Variants in ZBTB20 observed in about 807,000 individuals in gnomAD.
ZBTB20 encodes zinc finger and BTB domain containing 20, also known as zinc finger and BTB domain-containing protein 20.
ZBTB20 carries 9 observed loss-of-function variants against 56.9 expected under a neutral mutation model. The observed-to-expected ratio is 0.16, with a 90% CI of 0.10 to 0.28. ZBTB20 has a LOEUF of 0.28. Ranked by LOEUF, ZBTB20 falls within the 10% of genes least tolerant of loss-of-function variation. The pLI, the probability that ZBTB20 is intolerant of heterozygous loss-of-function variation, is 1.00. For missense variants in ZBTB20, 655 were observed against 1,003.0 expected (o/e 0.65, Z 4.69); for synonymous variants, 417 against 420.7 (o/e 0.99, Z 0.11).
intron 7 of ZBTB20, among the ~76,000 whole-genome samples, chr3:114,438,515 A>T (rs1421646808): frequency 2.6e-5 from 4 of 152,272 alleles, no homozygotes; most frequent in Non-Finnish European, 4.4e-5. Flanking sequence ...GATCATAATC[A>T]TCTCAAGGTG....
chr3:115,103,712 G>A (rs922928877), intron 1 of ZBTB20, among the ~76,000 whole-genome samples: 2 of 152,162 alleles, frequency 1.3e-5, no homozygotes, highest in African/African-American at 4.8e-5. Flanking sequence ...AAAATGGATG[G>A]ATCATAAACC....
intron 6 of ZBTB20, among the ~76,000 whole-genome samples, chr3:114,592,510 T>C (rs1161983209): frequency 6.6e-6 from 1 of 152,198 alleles, no homozygotes; most frequent in African/African-American, 2.4e-5. Flanking sequence ...GAGTTTCCTT[T>C]TGGCAGAAAA....
At chr3:114,426,975 A>AAT (rs940606430) in intron 7 of ZBTB20, among the ~76,000 whole-genome samples, 14 of 152,224 alleles carry the variant, frequency 9.2e-5, no homozygotes, top group Admixed American at 5.2e-4. Context: ...TTGTTACTTT[A>AAT]ATATATATAA....
At chr3:114,710,360 C>T (rs996288934) in intron 5 of ZBTB20, 3 of 152,144 alleles carry the variant, frequency 2.0e-5, no homozygotes, top group African/African-American at 7.2e-5. Flanking sequence ...GTTTGAATCT[C>T]CAGTCCTAAT....
intron 1 of ZBTB20, among the ~76,000 whole-genome samples, chr3:115,125,624 G>T (rs1254108512): frequency 3.9e-5 from 6 of 152,130 alleles, no homozygotes; most frequent in Non-Finnish European, 7.4e-5. Flanking sequence ...CAGTTATACA[G>T]AATGAATAAG....
At chr3:114,477,372 A>G (rs1000489406) in intron 7 of ZBTB20, among the ~76,000 whole-genome samples, 3 of 152,188 alleles carry the variant, frequency 2.0e-5, no homozygotes, top group Admixed American at 6.5e-5. Flanking sequence ...AGATAAAGAA[A>G]CTGATGCTTA....
At chr3:115,089,754 G>A (rs2083119321) in intron 1 of ZBTB20, among the ~76,000 whole-genome samples, 1 of 151,758 alleles carries the variant, frequency 6.6e-6, no homozygotes, top group African/African-American at 2.4e-5. Flanking sequence ...ATGCAACAAA[G>A]TTGTTGTATG....
chr3:114,447,052 C>T (rs1004623378), intron 7 of ZBTB20, among the ~76,000 whole-genome samples: 1 of 152,076 alleles, frequency 6.6e-6, no homozygotes, highest in Admixed American at 6.6e-5. Context: ...AACAATGTAA[C>T]ACTGACAAAA....
At chr3:114,755,865 A>G (rs1478095645) in intron 5 of ZBTB20, among the ~76,000 whole-genome samples, 1 of 152,162 alleles carries the variant, frequency 6.6e-6, no homozygotes, top group Non-Finnish European at 1.5e-5. Flanking sequence ...AGCCATTTTC[A>G]AGACAAATAA....
chr3:114,540,489 A>G lies in ZBTB20; in HGVS notation c.-294-40098T>C, dbSNP rs551282242. On this transcript the variant is annotated intron_variant, in intron 6 of 11. Coordinates refer to ENST00000675478, the MANE Select transcript of ZBTB20 (RefSeq NM_001348800.3). ...GCTACATCTGTAACACCAAAGTCCAATGTACTGGTACCAAACAGACTGGCA... is the reference window on the plus strand; with the variant it reads ...GCTACATCTGTAACACCAAAGTCCAGTGTACTGGTACCAAACAGACTGGCA... Among the ~76,000 whole-genome samples, 8 of 152,194 alleles carry G rather than the reference A, an allele frequency of 5.3e-5. No individual in the cohort carries two copies. In the East Asian group the frequency reaches 9.7e-4, roughly 18 times the overall value.
At chr3:114,589,494 CT>C (rs1268850517) in intron 6 of ZBTB20, among the ~76,000 whole-genome samples, 3 of 152,164 alleles carry the variant, frequency 2.0e-5, no homozygotes, top group African/African-American at 7.2e-5. Context: ...TGTGGAAAAT[CT>C]TTCCTGACAA....
intron 7 of ZBTB20, among the ~76,000 whole-genome samples, chr3:114,405,347 A>G (rs1035361804): frequency 1.4e-4 from 21 of 152,284 alleles, no homozygotes; most frequent in African/African-American, 4.8e-4. Flanking sequence ...GCATAGCTAA[A>G]TGGCGAAGAC....
chr3:115,017,368 T>C (rs142804853), intron 2 of ZBTB20, among the ~76,000 whole-genome samples: 2 of 151,602 alleles, frequency 1.3e-5, no homozygotes, highest in East Asian at 3.9e-4. Context: ...CCACTCCTCA[T>C]GGAAAACTAG....
At chr3:115,068,646 T>C (rs1009858483) in intron 2 of ZBTB20, among the ~76,000 whole-genome samples, 1 of 152,098 alleles carries the variant, frequency 6.6e-6, no homozygotes, top group African/African-American at 2.4e-5. Flanking sequence ...AGATAGACTA[T>C]AATCTGAAGA....
chr3:114,452,033 T>A (rs1205450097), intron 7 of ZBTB20, among the ~76,000 whole-genome samples: 1 of 146,798 alleles, frequency 6.8e-6, no homozygotes, highest in Non-Finnish European at 1.5e-5. Flanking sequence ...CTTTCAAAGA[T>A]CCCCTTGGTC....
At chr3:114,788,162 T>C (rs948023853) in intron 5 of ZBTB20, among the ~76,000 whole-genome samples, 1 of 152,196 alleles carries the variant, frequency 6.6e-6, no homozygotes, top group Non-Finnish European at 1.5e-5. Flanking sequence ...CTGATATTTT[T>C]AAAGAGTTTT....
At chr3:114,665,513 A>G (rs953222238) in intron 6 of ZBTB20, among the ~76,000 whole-genome samples, 1 of 151,998 alleles carries the variant, frequency 6.6e-6, no homozygotes. Flanking sequence ...AAAGGCTATG[A>G]GCTCTTTCAG....
chr3:115,028,048 CCATT>C (rs374359145), intron 2 of ZBTB20, among the ~76,000 whole-genome samples: 30 of 150,758 alleles, frequency 2.0e-4, no homozygotes, highest in African/African-American at 6.3e-4. Flanking sequence ...GAGTAAACAT[CCATT>C]CATTATTTTT....
At chr3:114,968,083 C>T (rs1560447017) in intron 3 of ZBTB20, among the ~76,000 whole-genome samples, 1 of 151,908 alleles carries the variant, frequency 6.6e-6, no homozygotes, top group Non-Finnish European at 1.5e-5. Flanking sequence ...TATGCATAAA[C>T]ACATTTGAAT....
Sources: allele counts gnomAD v4.1 joint callset (sites outside exome capture counted in the v4.1 genomes callset), GRCh38; gene constraint gnomAD v4.1.1; transcripts MANE v1.5; gene names NCBI Gene and HGNC (gene_info 2026-07-23, HGNC 2026-07-21).